The following SYMPK variants were observed in gnomAD, a reference collection of about 807,000 sequenced individuals.
SYMPK encodes the protein symplekin.
Under a neutral mutation model 136.4 loss-of-function variants are expected in SYMPK, and 49 were observed. The ratio of observed to expected loss-of-function variants is 0.36; its 90% confidence interval spans 0.29 to 0.46. The LOEUF is 0.46. SYMPK is among the 20% of genes least tolerant of loss of function. The pLI is 1.00. For synonymous variants in SYMPK, 766 were observed against 713.0 expected (o/e 1.07, Z -1.19); for missense variants, 1,365 against 1,690.0 (o/e 0.81, Z 3.37).
rs769066189 is a variant in SYMPK, at chr19:45,847,822, C to T, written c.606G>A (p.Glu202=). ...VTLSPRMADS[E]IPRRQEHDIS... is the part of the protein sequence containing the mutation. ...TATCATGCTCCTGGCGTCGGGGTATCTCTGAGTCAGCCATGCGGGGTGACA... is the reference window on the plus strand; with the variant it reads ...TATCATGCTCCTGGCGTCGGGGTATTTCTGAGTCAGCCATGCGGGGTGACA... Residue 202 remains glutamate (E), a synonymous_variant, in exon 7 of 27, where the codon GAG becomes GAA. Transcript: ENST00000245934. 5 of 1,614,076 alleles carry T rather than the reference C, an allele frequency of 3.1e-6. No individual in the cohort carries two copies. The South Asian group carries it at 4.4e-5, about 14-fold the overall frequency.
In SYMPK at chr19:45,848,815, C is replaced by T. The variant is rs1004415429; in HGVS notation, c.361G>A (p.Glu121Lys). 2.5e-6 allele frequency: 4 copies of T among 1,613,926 alleles called. No homozygotes were observed. Among genetic ancestry groups the T allele is most frequent in the East Asian group, 2.2e-5 (1 of 44,896 alleles). The change falls in exon 6 of 27, where the codon GAG becomes AAG. Residue 121 changes from glutamate (E) to lysine (K), a missense_variant. Coordinates refer to ENST00000245934, the MANE Select transcript of SYMPK (RefSeq NM_004819.3). ...IANLNMLLRD[E>K]NVNVVKKAIL... ...GCCTTCTTCACCACGTTCACATTCT[C>T]GTCCCTCAAGAGCATGTTGAGGTTT...
Position 45,821,167 on chromosome 19 carries a change from A to G in SYMPK, c.2893+217T>C, listed in dbSNP as rs79521499. 7.2e-4 allele frequency: 503 copies of G among 699,022 alleles called. 1 individual carries two copies. Among genetic ancestry groups the G allele is most frequent in the African/African-American group, 7.1e-3 (407 of 57,090 alleles). The allele number at this position is 699,022 out of a possible 1,614,324, so 43.3% of individuals were successfully genotyped here. ...CAGAAAAAGGTGGGTTGTAAAGGGTAAAACCTGGGAGGAAGGAAGGAGGAG... is the reference window on the plus strand; with the variant it reads ...CAGAAAAAGGTGGGTTGTAAAGGGTGAAACCTGGGAGGAAGGAAGGAGGAG... On this transcript the variant is annotated intron_variant, in intron 22 of 26. Coordinates refer to ENST00000245934, the MANE Select transcript of SYMPK (RefSeq NM_004819.3). This position sits in a 1 kb window ranked among gnomAD's most constrained non-coding sequence, Gnocchi z 4.4.
At chr19:45,857,998 C>T (rs974733484) in intron 1 of SYMPK, among the ~76,000 whole-genome samples, 1 of 151,860 alleles carries the variant, frequency 6.6e-6, no homozygotes, top group African/African-American at 2.4e-5. Context: ...GAAGTTTTAC[C>T]ATGTTGGTCA....
intron 5 of SYMPK, among the ~76,000 whole-genome samples, chr19:45,850,578 A>C (rs1302881548): frequency 6.6e-6 from 1 of 152,202 alleles, no homozygotes; most frequent in Non-Finnish European, 1.5e-5. Context: ...CACAGTATCC[A>C]TCGAGGCTGC....
chr19:45,844,575 T>A (rs1204726972), intron 7 of SYMPK, among the ~76,000 whole-genome samples: 1 of 151,868 alleles, frequency 6.6e-6, no homozygotes, highest in Non-Finnish European at 1.5e-5. Context: ...CTTGGGAGGC[T>A]GAGGCAGGAG....
chr19:45,822,375 A>C (rs1212888504), intron 21 of SYMPK, among the ~76,000 whole-genome samples: 2 of 151,940 alleles, frequency 1.3e-5, no homozygotes, highest in African/African-American at 4.8e-5. Flanking sequence ...GCCTCGCCTC[A>C]AGTTTTGTTT....
At chr19:45,862,388 G>GT (rs1971987432) in intron 1 of SYMPK, 1 of 152,198 alleles carries the variant, frequency 6.6e-6, no homozygotes, top group South Asian at 2.1e-4. Context: ...GGCTCTAGGA[G>GT]TATCTTTTAT....
chr19:45,843,164 GT>G (rs1426163268), intron 8 of SYMPK: 1 of 152,222 alleles, frequency 6.6e-6, no homozygotes, highest in East Asian at 1.9e-4. Context: ...TGCTGGAATG[GT>G]TGGGAAGGAG....
chr19:45,834,644 G>A (rs1971262290), intron 11 of SYMPK, among the ~76,000 whole-genome samples: 4 of 152,110 alleles, frequency 2.6e-5, no homozygotes, highest in African/African-American at 9.7e-5. Context: ...CTGGTCCCAA[G>A]CATTTTGGAT....
rs1005330431 is a variant in SYMPK, at chr19:45,827,771, T to C, written c.2067+66A>G. The C allele has an allele frequency of 3.7e-5, 58 of 1,572,630 alleles. No homozygotes were observed. The African/African-American group carries it at 7.2e-4, about 19-fold the overall frequency. ...GCCACAAGGTTTAGACTGTGTGCCCTTCAGACCCCTCAGGGCAGGGCCCTG... is the reference window on the plus strand; with the variant it reads ...GCCACAAGGTTTAGACTGTGTGCCCCTCAGACCCCTCAGGGCAGGGCCCTG... On this transcript the variant is annotated intron_variant, in intron 15 of 26. Transcript: ENST00000245934.
chr19:45,834,676 T>C (rs1186359554), intron 11 of SYMPK, among the ~76,000 whole-genome samples: 1 of 152,176 alleles, frequency 6.6e-6, no homozygotes, highest in African/African-American at 2.4e-5. Flanking sequence ...AACCTGTATC[T>C]TGATCTGGGT....
In SYMPK at chr19:45,842,425, G is replaced by A. The variant is rs751987594; in HGVS notation, c.912C>T (p.His304=). ...VSSVRKNLKL[H]LLSVLKHPAS... ...CCGGGTGCTTCAGCACACTCAACAGGTGCAGCTTCAGATTCTTACGCACAC... is the reference window on the plus strand; with the variant it reads ...CCGGGTGCTTCAGCACACTCAACAGATGCAGCTTCAGATTCTTACGCACAC... Residue 304 remains histidine (H), a synonymous_variant, in exon 9 of 27, where the codon CAC becomes CAT. Coordinates refer to ENST00000245934, the MANE Select transcript of SYMPK (RefSeq NM_004819.3). 9 of 1,614,200 alleles carry A rather than the reference G, an allele frequency of 5.6e-6. No homozygotes were observed. In the South Asian group the frequency reaches 8.8e-5, roughly 16 times the overall value.
Position 45,863,131 on chromosome 19 carries a change from G to A in SYMPK, c.-86C>T, listed in dbSNP as rs7247360. 2,402 of 405,402 alleles carry A rather than the reference G, an allele frequency of 5.9e-3. 58 individuals are homozygous for A. The highest frequency in any genetic ancestry group is 0.046 in the African/African-American group (2,244 of 48,786). The allele number at this position is 405,402 out of a possible 1,614,324, so 25.1% of individuals were successfully genotyped here. The stretch of plus-strand genomic sequence containing the variant: ...CCTACACTCCGCCGCCGCCGCCGCC[G>A]CCATCTTCCGTTCGTCGCCGGGAAC... On this transcript the variant is annotated 5_prime_UTR_variant, in exon 1 of 27. Transcript: ENST00000245934.
In SYMPK at chr19:45,847,848, G is replaced by A. The variant is rs748571461; in HGVS notation, c.580C>T (p.Leu194=). ...TCTGAGTCAGCCATGCGGGGTGACA[G>A]GGTGACAATGAGGCCCTCCACAAAC... The part of the protein sequence containing the change: ...IKFVEGLIVT[L]SPRMADSEIP... Residue 194 remains leucine (L), a synonymous_variant, in exon 7 of 27, where the codon CTG becomes TTG. Coordinates refer to ENST00000245934, the MANE Select transcript of SYMPK (RefSeq NM_004819.3). 6.2e-7 allele frequency: 1 copy of A among 1,613,974 alleles called. No homozygotes were observed. Among genetic ancestry groups the A allele is most frequent in the African/African-American group, 1.3e-5 (1 of 74,886 alleles).
intron 13 of SYMPK, 121 bp from the exon 14 acceptor site, chr19:45,829,326 G>C (rs531221055): frequency 3.4e-6 from 3 of 880,552 alleles, no homozygotes; most frequent in Non-Finnish European, 5.3e-6. Flanking sequence ...GGAGTGAAGC[G>C]AGGAAGGCCA....
rs1015367851 is a variant in SYMPK, at chr19:45,821,071, G to A, written c.2893+313C>T. 2.2e-5 allele frequency: 14 copies of A among 629,632 alleles called. No individual in the cohort carries two copies. The highest frequency in any genetic ancestry group is 2.5e-4 in the Middle Eastern group (1 of 4,014). 39.0% of individuals were successfully genotyped at this position (629,632 alleles called of 1,614,324 possible). On this transcript the variant is annotated intron_variant, in intron 22 of 26. Coordinates refer to ENST00000245934, the MANE Select transcript of SYMPK (RefSeq NM_004819.3). This position sits in a 1 kb window ranked among gnomAD's most constrained non-coding sequence, Gnocchi z 4.4. ...TGTGCCCTGCTTCCTTCTGTTCCTC[G>A]GGGCTAGGGGTGGGGCTACCCAACT...
chr19:45,815,966 A>G lies in SYMPK; in HGVS notation c.3572T>C (p.Phe1191Ser). The G allele has an allele frequency of 6.2e-7, 1 of 1,610,858 alleles. No homozygotes were observed. Among genetic ancestry groups the G allele is most frequent in the Non-Finnish European group, 8.5e-7 (1 of 1,179,318 alleles). ...GPPPSEEAMD[F>S]REEGPECETP... ...CTCGCACTCAGGCCCCTCCTCCCGG[A>G]AATCCATGGCTTCCTCAGACGGGGG... The change falls in exon 26 of 27, where the codon TTC (phenylalanine) becomes TCC (serine). Residue 1191 changes from phenylalanine (F) to serine (S), a missense_variant. Transcript: ENST00000245934.
At chr19:45,824,580 G>A (rs1029631814) in intron 18 of SYMPK, among the ~76,000 whole-genome samples, 26 of 152,080 alleles carry the variant, frequency 1.7e-4, no homozygotes, top group African/African-American at 5.6e-4. Context: ...TCTCTCTCCC[G>A]TTTATCACGA....
At chr19:45,859,821 T>C (rs554861394) in intron 1 of SYMPK, among the ~76,000 whole-genome samples, 1 of 148,160 alleles carries the variant, frequency 6.7e-6, no homozygotes, top group South Asian at 2.2e-4. Context: ...GCAGGAAGAG[T>C]ACTTGAGGCC....
Sources: allele counts gnomAD v4.1 joint callset (sites outside exome capture counted in the v4.1 genomes callset), GRCh38; gene constraint gnomAD v4.1.1; non-coding constraint Gnocchi (gnomAD v3.1); transcripts MANE v1.5; gene names NCBI Gene and HGNC (gene_info 2026-07-23, HGNC 2026-07-21).